The following NHSL1 variants were observed in gnomAD, a reference collection of about 807,000 sequenced individuals.
NHSL1 encodes the protein NHS-like protein 1.
NHSL1 carries 48 observed loss-of-function variants against 95.0 expected under a neutral mutation model. That is an observed-to-expected ratio of 0.51 (90% CI 0.40 to 0.64). NHSL1 has a LOEUF of 0.64. Ranked by LOEUF, NHSL1 falls within the 30% of genes least tolerant of loss-of-function variation. The pLI is 0.00. For missense variants in NHSL1, 1,971 were observed against 2,077.7 expected, an observed-to-expected ratio of 0.95 and a Z score of 1.00; for synonymous variants, 783 against 833.9, an observed-to-expected ratio of 0.94 and a Z score of 1.05.
In NHSL1 at chr6:138,445,230, C is replaced by T. The variant is rs537045981; in HGVS notation, c.532+1771G>A. Among the ~76,000 whole-genome samples the T allele has an allele frequency of 5.9e-5, 9 of 152,264 alleles. No individual in the cohort carries two copies. In the South Asian group the frequency reaches 1.2e-3, roughly 21 times the overall value. On this transcript the variant is annotated intron_variant, in intron 4 of 7. Transcript: ENST00000343505. Reference sequence around the variant, plus strand: ...CATTAAGGATTGTCATATTTCATTGCACAATCTTCTTATCTTATAATATTA... The same window carrying T: ...CATTAAGGATTGTCATATTTCATTGTACAATCTTCTTATCTTATAATATTA...
At chr6:138,478,012 CTTTTTTTTTT>C (rs71009589) in intron 2 of NHSL1, among the ~76,000 whole-genome samples, 26 of 30,012 alleles carry the variant, frequency 8.7e-4, no homozygotes, top group East Asian at 1.4e-3. Context: ...ATTTATGTCA[CTTTTTTTTTT>C]TTTTTTTTTT....
intron 2 of NHSL1, among the ~76,000 whole-genome samples, chr6:138,493,174 A>T (rs4896368): frequency 0.98 from 149,642 of 152,336 alleles, 73,518 homozygotes; most frequent in Middle Eastern, 1. Flanking sequence ...TCCCAACCAC[A>T]GTTCATAAGT....
chr6:138,685,345 T>C lies in NHSL1; in HGVS notation c.96+7131A>G, dbSNP rs192978738. 1.9e-3 allele frequency among the ~76,000 whole-genome samples: 285 copies of C among 152,330 alleles called. 1 individual carries two copies. Among genetic ancestry groups the C allele is most frequent in the African/African-American group, 6.6e-3 (275 of 41,568 alleles). On this transcript the variant is annotated intron_variant, in intron 1 of 3. Coordinates refer to the NHSL1 transcript ENST00000491526. ...CTCATAATTCAAAAAATAACTCTCC[T>C]AGAAATCTGAATATTTGGCAAATGC...
chr6:138,568,566 A>G (rs1783706031), intron 1 of NHSL1, among the ~76,000 whole-genome samples: 1 of 152,182 alleles, frequency 6.6e-6, no homozygotes, highest in African/African-American at 2.4e-5. Flanking sequence ...CATTGCTGTT[A>G]CCCAGTTCAT....
intron 1 of NHSL1, among the ~76,000 whole-genome samples, chr6:138,616,401 A>G (rs753781493): frequency 6.6e-6 from 1 of 152,172 alleles, no homozygotes; most frequent in Non-Finnish European, 1.5e-5. Context: ...TGGGATGAGT[A>G]GCAACATTTG....
Position 138,431,861 on chromosome 6 carries a change from G to A in NHSL1, c.2484C>T (p.Pro828=), listed in dbSNP as rs765240250. The A allele has an allele frequency of 2.3e-5, 35 of 1,551,570 alleles. No homozygotes were observed. Among genetic ancestry groups the A allele is most frequent in the East Asian group, 7.3e-5 (3 of 40,926 alleles). ...EGSRATMPQV[P]GGSVKPKIMS... The stretch of plus-strand genomic sequence containing the variant: ...TGATCTTTGGTTTGACTGAACCACC[G>A]GGCACTTGGGGCATTGTGGCTCTGG... Residue 828 remains proline (P), a synonymous_variant, in exon 6 of 8, where the codon CCC becomes CCT. Transcript: ENST00000343505. This position sits in a 1 kb window ranked among gnomAD's most constrained non-coding sequence, Gnocchi z 4.0.
At chr6:138,662,203 C>G (rs892504018) in intron 1 of NHSL1, among the ~76,000 whole-genome samples, 2 of 149,574 alleles carry the variant, frequency 1.3e-5, no homozygotes, top group Non-Finnish European at 3.0e-5. Context: ...TCTTTATAAA[C>G]AAACAAACAA....
At chr6:138,660,438 T>G (rs1785211642) in intron 1 of NHSL1, among the ~76,000 whole-genome samples, 1 of 151,918 alleles carries the variant, frequency 6.6e-6, no homozygotes, top group African/African-American at 2.4e-5. Context: ...GAGAGAAAAA[T>G]ATAGACCCTG....
intron 1 of NHSL1, among the ~76,000 whole-genome samples, chr6:138,633,260 CAG>C (rs1784843584): frequency 6.6e-6 from 1 of 152,112 alleles, no homozygotes; most frequent in African/African-American, 2.4e-5. Context: ...GAGAAAGAGA[CAG>C]GGGCAGAAAA....
intron 1 of NHSL1, among the ~76,000 whole-genome samples, chr6:138,611,306 A>G (rs1390420612): frequency 1.3e-5 from 2 of 152,192 alleles, no homozygotes; most frequent in Non-Finnish European, 2.9e-5. Context: ...AGGTGACACA[A>G]TTTCTCAGTG....
chr6:138,687,265 ATC>A (rs1785596284), intron 1 of NHSL1, among the ~76,000 whole-genome samples: 1 of 150,104 alleles, frequency 6.7e-6, no homozygotes, highest in South Asian at 2.1e-4. Flanking sequence ...TGGAAACCTC[ATC>A]TCTTTTTAAA....
chr6:138,497,138 A>G (rs1418410651), intron 1 of NHSL1, among the ~76,000 whole-genome samples: 1 of 152,220 alleles, frequency 6.6e-6, no homozygotes, highest in Non-Finnish European at 1.5e-5. Flanking sequence ...AAATCTCTAC[A>G]ATAATTTTTC....
At chr6:138,571,946 C>T (rs1418784007) in exon 1 of NHSL1, 1 of 1,535,918 alleles carries the variant, frequency 6.5e-7, no homozygotes, top group African/African-American at 1.4e-5. Flanking sequence ...CAAAGAACAG[C>T]CCAGCAAACA....
chr6:138,525,003 G>GT, intron 1 of NHSL1, among the ~76,000 whole-genome samples: 1 of 152,314 alleles, frequency 6.6e-6, no homozygotes, highest in Admixed American at 6.5e-5. Context: ...AAGGATATGT[G>GT]TAAGTGGCAA....
At chr6:138,598,811 A>T (rs962668547) in intron 1 of NHSL1, among the ~76,000 whole-genome samples, 1 of 152,122 alleles carries the variant, frequency 6.6e-6, no homozygotes, top group Admixed American at 6.5e-5. Context: ...TCCCACTAAT[A>T]CTGAATGCTG....
exon 1 of NHSL1, chr6:138,545,710 C>A: frequency 1.6e-6 from 2 of 1,280,400 alleles, no homozygotes. Flanking sequence ...ACAGCTGTCT[C>A]CCAGCCCACC....
At chr6:138,562,630 C>T (rs1312670022) in intron 1 of NHSL1, among the ~76,000 whole-genome samples, 1 of 152,138 alleles carries the variant, frequency 6.6e-6, no homozygotes, top group African/African-American at 2.4e-5. Context: ...CCAGTCCACT[C>T]CAGTCTGGGG....
chr6:138,494,587 A>C (rs997453049), intron 2 of NHSL1, among the ~76,000 whole-genome samples: 3 of 152,240 alleles, frequency 2.0e-5, no homozygotes, highest in African/African-American at 4.8e-5. Context: ...GGTACATTAA[A>C]GAATGAATCA....
intron 1 of NHSL1, among the ~76,000 whole-genome samples, chr6:138,522,413 G>A (rs755489211): frequency 2.1e-4 from 32 of 152,180 alleles, no homozygotes; most frequent in Admixed American, 7.9e-4. Context: ...AGGCCAAGGC[G>A]GATGGATCAC....
Sources: gnomAD v4.1 joint callset for allele counts (sites outside exome capture counted in the v4.1 genomes callset) on GRCh38, gnomAD v4.1.1 for gene constraint, Gnocchi (gnomAD v3.1) non-coding constraint, MANE v1.5 for transcripts, NCBI Gene and HGNC (gene_info 2026-07-23, HGNC 2026-07-21) for gene names.